Variants in PRRC2C observed in about 807,000 individuals in gnomAD.
The protein encoded by PRRC2C is protein PRRC2C.
Under a neutral mutation model 317.2 loss-of-function variants are expected in PRRC2C, and 72 were observed. That is an observed-to-expected ratio of 0.23 (90% CI 0.19 to 0.28). The LOEUF is 0.28. Ranked by LOEUF, PRRC2C falls within the 10% of genes least tolerant of loss-of-function variation. PRRC2C has a pLI of 1.00. For missense variants in PRRC2C, 3,074 were observed against 3,459.7 expected, an observed-to-expected ratio of 0.89 and a Z score of 2.80; for synonymous variants, 1,296 against 1,205.9, an observed-to-expected ratio of 1.07 and a Z score of -1.55.
chr1:171,542,374 A>G (rs1678101530), intron 16 of PRRC2C, 145 bp downstream of exon 16: 5 of 813,628 alleles, frequency 6.1e-6, no homozygotes, highest in Non-Finnish European at 1.9e-6. Flanking sequence ...TCTGTTCTCA[A>G]AGTGTAAGGG....
chr1:171,562,698 T>C lies in PRRC2C; in HGVS notation c.6117+1595T>C, dbSNP rs192357184. ...TCAGTAACTGAGATTGGACAGTTTT[T>C]GACATGTTAGATTTAAGATGCTTAT... On this transcript the variant is annotated intron_variant, in intron 20 of 34. Coordinates refer to ENST00000647382, the MANE Select transcript of PRRC2C (RefSeq NM_001387844.1). Among the ~76,000 whole-genome samples the C allele has an allele frequency of 2.6e-5, 4 of 152,298 alleles. No homozygotes were observed. The East Asian group carries it at 7.7e-4, about 29-fold the overall frequency.
At chr1:171,549,989 G>GT (rs11358319) in intron 17 of PRRC2C, 97 bp from the exon 18 acceptor site, 14,535 of 711,950 alleles carry the variant, frequency 0.02, 1 homozygote, top group South Asian at 0.024. Flanking sequence ...CCTTTGGCTA[G>GT]TTTTTTTTTT....
intron 20 of PRRC2C, among the ~76,000 whole-genome samples, chr1:171,563,894 A>T (rs7548158): frequency 6.6e-6 from 1 of 152,116 alleles, no homozygotes; most frequent in Admixed American, 6.5e-5. Flanking sequence ...TTTCCCAACC[A>T]CAAGATTTTT....
In PRRC2C at chr1:171,532,386, C is replaced by T. The variant is rs1430693483; in HGVS notation, c.1298C>T (p.Pro433Leu). The change falls in exon 12 of 35, where the codon CCC becomes CTC. Residue 433 changes from proline (P) to leucine (L), a missense_variant. Around this residue, in one of 11 missense-constraint regions of PRRC2C, gnomAD observed 1,320 missense variants for 1,395.7 expected, o/e 0.95. Coordinates refer to ENST00000647382, the MANE Select transcript of PRRC2C (RefSeq NM_001387844.1). ...DRQAVPGRPG[P>L]FPSKQQVADE... ...CAGGCAGTACCTGGAAGACCAGGCC[C>T]CTTTCCCTCCAAGCAGCAAGTAGCT... The T allele has an allele frequency of 6.2e-7, 1 of 1,613,902 alleles. No individual in the cohort carries two copies. Among genetic ancestry groups the T allele is most frequent in the Non-Finnish European group, 8.5e-7 (1 of 1,179,876 alleles).
rs189790515 is a variant in PRRC2C at position 171,517,995 on chromosome 1, A to G, written c.750+181A>G. On this transcript the variant is annotated intron_variant, in intron 6 of 34. Transcript: ENST00000647382. ...GGACTACACATGGTGTAAACACCAG[A>G]AGATAGAGATCATTTGGGCTATCCG... Among the ~76,000 whole-genome samples, 21 of 152,378 alleles carry G rather than the reference A, an allele frequency of 1.4e-4. No individual in the cohort carries two copies. In the East Asian group the frequency reaches 3.5e-3, roughly 25 times the overall value.
intron 30 of PRRC2C, among the ~76,000 whole-genome samples, chr1:171,586,662 C>T (rs1321788670): frequency 1.3e-5 from 2 of 151,532 alleles, no homozygotes; most frequent in African/African-American, 4.9e-5. Flanking sequence ...CTCACTGCAA[C>T]CTCCCCCTCC....
chr1:171,552,456 A>C (rs235476), intron 18 of PRRC2C, among the ~76,000 whole-genome samples: 122,894 of 152,102 alleles, frequency 0.81, 49,773 homozygotes, highest in Middle Eastern at 0.9. Context: ...TCCTTTATTT[A>C]TTTCTCTTCC....
intron 16 of PRRC2C, 137 bp downstream of exon 16, chr1:171,542,366 T>A: frequency 1.2e-6 from 1 of 855,336 alleles, no homozygotes; most frequent in Non-Finnish European, 1.7e-6. Context: ...CTTTATTCTC[T>A]GTTCTCAAAG....
At position 171,541,713 on chromosome 1, in the gene PRRC2C, A is replaced by T; in HGVS notation, c.4247A>T (p.Asp1416Val). 1 of 1,613,966 alleles carries T rather than the reference A, an allele frequency of 6.2e-7. No homozygotes were observed. The highest frequency in any genetic ancestry group is 8.5e-7 in the Non-Finnish European group (1 of 1,179,874). ...KRPPKFERKF[D>V]PARERPRRQR... ...CCTCCAAAATTTGAGCGAAAATTTG[A>T]CCCAGCTAGAGAAAGGCCTCGAAGG... The change falls in exon 16 of 35, where the codon GAC becomes GTC. Residue 1416 changes from aspartate (D) to valine (V), a missense_variant. Coordinates refer to ENST00000647382, the MANE Select transcript of PRRC2C (RefSeq NM_001387844.1). The surrounding 1 kb of genome is among the most constrained non-coding windows in gnomAD (Gnocchi z 4.1).
chr1:171,545,479 G>T lies in PRRC2C; in HGVS notation c.4764G>T (p.Gly1588=). 1 of 1,554,078 alleles carries T rather than the reference G, an allele frequency of 6.4e-7. No individual in the cohort carries two copies. ...SGPPSKSGKR[G]PFDDQPAGTT... ...AATATCTCAAGTTATTTTTTTGTAG[G>T]CCATTTGATGACCAGCCTGCAGGCA... is the stretch of plus-strand genomic sequence containing the variant. The change falls in exon 17 of 35, where the codon GGG becomes GGT. Residue 1588 remains glycine (G), a splice_region_variant and synonymous_variant. Coordinates refer to ENST00000647382, the MANE Select transcript of PRRC2C (RefSeq NM_001387844.1).
chr1:171,522,227 G>A lies in PRRC2C; in HGVS notation c.801G>A (p.Met267Ile). The A allele has an allele frequency of 6.3e-7, 1 of 1,597,934 alleles. No homozygotes were observed. Among genetic ancestry groups the A allele is most frequent in the Non-Finnish European group, 8.6e-7 (1 of 1,166,636 alleles). The part of the protein sequence containing the change: ...RMTYPPLHGP[M>I]RFPPSLSETN... The stretch of plus-strand genomic sequence containing the variant: ...CATATCCTCCTCTACATGGTCCCAT[G>A]AGATTCCCACCTTCTTTATCTGAAA... Residue 267 changes from methionine to isoleucine, a missense_variant, in exon 7 of 35, where the codon ATG becomes ATA. By Grantham distance (10) the Met-to-Ile change is conservative. Coordinates refer to ENST00000647382, the MANE Select transcript of PRRC2C (RefSeq NM_001387844.1).
At chr1:171,586,029 CTTCGA>C (rs1649832447) in intron 30 of PRRC2C, among the ~76,000 whole-genome samples, 1 of 147,500 alleles carries the variant, frequency 6.8e-6, no homozygotes, top group Non-Finnish European at 1.5e-5. Flanking sequence ...TCTGACCTCA[CTTCGA>C]CTGATCCGTC....
intron 17 of PRRC2C, among the ~76,000 whole-genome samples, chr1:171,547,633 CT>C (rs35480518): frequency 0.15 from 19,402 of 128,992 alleles, 2,014 homozygotes; most frequent in Middle Eastern, 0.31. Context: ...AGTTTCCCTT[CT>C]TTTTTTTTTT....
chr1:171,561,235 G>T, intron 20 of PRRC2C, 132 bp downstream of exon 20: 1 of 870,168 alleles, frequency 1.1e-6, no homozygotes, highest in South Asian at 1.4e-5. Context: ...TTTGAGACCA[G>T]CCTGGGCAAC....
intron 14 of PRRC2C, among the ~76,000 whole-genome samples, chr1:171,536,681 A>G (rs541181465): frequency 1.3e-5 from 2 of 152,234 alleles, no homozygotes; most frequent in Admixed American, 6.5e-5. Context: ...GGTTAGGGGG[A>G]AAAAAAGTGA....
At position 171,541,359 on chromosome 1, in the gene PRRC2C, A is replaced by G; in HGVS notation, c.3893A>G (p.Lys1298Arg). 1.2e-6 allele frequency: 2 copies of G among 1,611,960 alleles called. No homozygotes were observed. The highest frequency in any genetic ancestry group is 1.7e-6 in the Non-Finnish European group (2 of 1,179,400). ...LPKREERPENKKPVKPHSSFK... is the reference protein window; with the variant it reads ...LPKREERPENRKPVKPHSSFK... ...AAAAGAGAGGAACGGCCTGAAAACA[A>G]AAAACCTGTAAAGCCTCATTCTTCT... Residue 1298 changes from lysine (K) to arginine (R), a missense_variant, in exon 16 of 35, where the codon AAA becomes AGA. Transcript: ENST00000647382. This position sits in a 1 kb window ranked among gnomAD's most constrained non-coding sequence, Gnocchi z 4.1.
At position 171,591,812 on chromosome 1, in the gene PRRC2C, C is replaced by T; in HGVS notation, c.8662C>T (p.Pro2888Ser). ...TKPVRTGPIK[P>S]QAIKTEETKS ...ACCTGTTAGAACTGGACCAATCAAA[C>T]CTCAGGCGATCAAAACCGAAGAAAC... Residue 2888 changes from proline to serine, a missense_variant, in exon 35 of 35, where the codon CCT (proline) becomes TCT (serine). By Grantham distance (74) the Pro-to-Ser change is moderately conservative. Around this residue, in one of 11 missense-constraint regions of PRRC2C, gnomAD observed 78 missense variants for 97.7 expected, o/e 0.80. Transcript: ENST00000647382. 6.2e-7 allele frequency: 1 copy of T among 1,608,754 alleles called. No individual in the cohort carries two copies. Among genetic ancestry groups the T allele is most frequent in the Non-Finnish European group, 8.5e-7 (1 of 1,178,828 alleles).
At chr1:171,531,850 C>G (rs1427414876) in intron 11 of PRRC2C, among the ~76,000 whole-genome samples, 4 of 152,224 alleles carry the variant, frequency 2.6e-5, no homozygotes, top group African/African-American at 9.6e-5. Context: ...CATTACAGCA[C>G]TGACTCTGTC....
At chr1:171,573,251 A>T (rs1685084571) in intron 24 of PRRC2C, among the ~76,000 whole-genome samples, 1 of 152,254 alleles carries the variant, frequency 6.6e-6, no homozygotes, top group African/African-American at 2.4e-5. Context: ...TGAATTTCCG[A>T]AAATAAAAAC....
Sources: allele counts gnomAD v4.1 joint callset (sites outside exome capture counted in the v4.1 genomes callset), GRCh38; gene constraint gnomAD v4.1.1; regional missense constraint gnomAD v4.1.1; non-coding constraint Gnocchi (gnomAD v3.1); transcripts MANE v1.5; gene names NCBI Gene and HGNC (gene_info 2026-07-23, HGNC 2026-07-21).